Variants in CFAP44 observed in about 807,000 individuals in gnomAD.
CFAP44 encodes the protein cilia and flagella associated protein 44.
Under a neutral mutation model 216.2 loss-of-function variants are expected in CFAP44, and 134 were observed. The ratio of observed to expected loss-of-function variants is 0.62; its 90% CI spans 0.54 to 0.72. The LOEUF (loss-of-function observed/expected upper bound fraction) is 0.72. Among genes scored for constraint, CFAP44 ranks in the 30% least tolerant of loss-of-function variants. The pLI is 0.00. For missense variants in CFAP44, 2,035 were observed against 2,182.1 expected, an observed-to-expected ratio of 0.93 and a Z score of 1.34; for synonymous variants, 700 against 727.6, an observed-to-expected ratio of 0.96 and a Z score of 0.61.
chr3:113,396,368 G>A (rs758413221), intron 14 of CFAP44, 150 bp downstream of exon 14: 56 of 813,528 alleles, frequency 6.9e-5, no homozygotes, highest in African/African-American at 5.0e-4. Context: ...CACAGACTAC[G>A]CTGAAAGAAT....
intron 15 of CFAP44, among the ~76,000 whole-genome samples, chr3:113,388,402 A>T (rs1426496841): frequency 6.6e-6 from 1 of 152,240 alleles, no homozygotes; most frequent in Admixed American, 6.5e-5. Flanking sequence ...CATACAATGG[A>T]TATACAAGAA....
chr3:113,419,149 C>A (rs1164397104), intron 5 of CFAP44, among the ~76,000 whole-genome samples: 1 of 152,154 alleles, frequency 6.6e-6, no homozygotes, highest in Non-Finnish European at 1.5e-5. Flanking sequence ...GTTTCTTGGT[C>A]CCCTGCAGAT....
chr3:113,432,071 G>T (rs957142940), intron 2 of CFAP44: 2 of 152,142 alleles, frequency 1.3e-5, no homozygotes, highest in African/African-American at 4.8e-5. Flanking sequence ...CCAAGATCAA[G>T]CATCTCTAAA....
intron 21 of CFAP44, chr3:113,361,462 T>C (rs1434800057): frequency 6.6e-6 from 1 of 151,682 alleles, no homozygotes; most frequent in Non-Finnish European, 1.5e-5. Flanking sequence ...TAAGAAATTA[T>C]ATAATTATAC....
intron 1 of CFAP44, among the ~76,000 whole-genome samples, chr3:113,439,851 C>T (rs1026333929): frequency 6.6e-6 from 1 of 152,098 alleles, no homozygotes; most frequent in Non-Finnish European, 1.5e-5. Flanking sequence ...CAGCAGTGTG[C>T]CAGAGGTGGT....
chr3:113,345,347 T>C (rs1188437345), intron 22 of CFAP44, among the ~76,000 whole-genome samples: 1 of 152,096 alleles, frequency 6.6e-6, no homozygotes, highest in East Asian at 1.9e-4. Context: ...CCTCACAAAA[T>C]GTTTTAAAAA....
intron 34 of CFAP44, chr3:113,293,989 T>C: frequency 2.2e-6 from 1 of 456,698 alleles, no homozygotes; most frequent in Non-Finnish European, 4.4e-6. Context: ...GATGCTCTTC[T>C]TCAGAGGACC....
At chr3:113,330,142 T>TA in intron 26 of CFAP44, 26 bp downstream of exon 26, 1 of 1,473,506 alleles carries the variant, frequency 6.8e-7, no homozygotes, top group Non-Finnish European at 8.9e-7. Flanking sequence ...CTTTCAGCTT[T>TA]AACTAGGAAC....
intron 15 of CFAP44, among the ~76,000 whole-genome samples, chr3:113,384,752 T>C (rs1309796924): frequency 6.6e-6 from 1 of 152,232 alleles, no homozygotes; most frequent in Non-Finnish European, 1.5e-5. Context: ...CCATCCACTT[T>C]GTTGTATTTT....
At chr3:113,369,343 C>G (rs751274581) in intron 18 of CFAP44, among the ~76,000 whole-genome samples, 2 of 152,164 alleles carry the variant, frequency 1.3e-5, no homozygotes, top group East Asian at 3.8e-4. Context: ...GTAAAACACT[C>G]CTCAGCAAAT....
intron 15 of CFAP44, among the ~76,000 whole-genome samples, chr3:113,387,490 TC>T (rs1398064011): frequency 1.3e-5 from 2 of 152,082 alleles, no homozygotes; most frequent in Non-Finnish European, 2.9e-5. Flanking sequence ...CTGGCAGGAT[TC>T]ATCACCTGCT....
intron 7 of CFAP44, among the ~76,000 whole-genome samples, chr3:113,408,298 T>C (rs1351018867): frequency 6.6e-6 from 1 of 152,102 alleles, no homozygotes; most frequent in Non-Finnish European, 1.5e-5. Context: ...GACGAGGGTA[T>C]GATATAATGA....
Position 113,304,067 on chromosome 3 carries a change from C to G in CFAP44, c.4926G>C (p.Leu1642Phe). 1.3e-6 allele frequency: 2 copies of G among 1,537,196 alleles called. No homozygotes were observed. Among genetic ancestry groups the G allele is most frequent in the Non-Finnish European group, 1.7e-6 (2 of 1,146,914 alleles). Residue 1642 changes from leucine (L) to phenylalanine (F), a missense_variant, in exon 32 of 35, where the codon TTG (leucine) becomes TTC (phenylalanine). Transcript: ENST00000393845. ...GTCTCAAGGCATGGTTAGAGAAGAC[C>G]AAAGTACCAGAAAGATCGCTAGGTA... ...GEIPSDLSGT[L>F]VFSNHALRRL...
chr3:113,300,027 T>C (rs191714912), intron 32 of CFAP44, among the ~76,000 whole-genome samples: 1 of 152,264 alleles, frequency 6.6e-6, no homozygotes, highest in Non-Finnish European at 1.5e-5. Flanking sequence ...TGAGACCCTG[T>C]CTCAAAGAGA....
At chr3:113,363,094 A>G in intron 21 of CFAP44, 51 bp downstream of exon 21, 1 of 1,490,342 alleles carries the variant, frequency 6.7e-7, no homozygotes, top group South Asian at 1.5e-5. Context: ...AGTCATCTCT[A>G]TCCAGAAATA....
intron 11 of CFAP44, 75 bp from the exon 12 acceptor site, chr3:113,400,719 C>T: frequency 7.5e-7 from 1 of 1,327,702 alleles, no homozygotes; most frequent in South Asian, 1.3e-5. Flanking sequence ...TAAAAAAATG[C>T]AAAGATAAAA....
chr3:113,441,506 C>G (rs1188095522), upstream of CFAP44: 8 of 985,418 alleles, frequency 8.1e-6, no homozygotes, highest in Non-Finnish European at 9.6e-6. Context: ...CGGAGGCCTC[C>G]GTTTACTCCG....
chr3:113,358,619 G>C, intron 22 of CFAP44, 126 bp downstream of exon 22: 1 of 1,226,832 alleles, frequency 8.2e-7, no homozygotes. Flanking sequence ...AGGATTCCTT[G>C]AGATTTCAAG....
At chr3:113,400,278 A>G (rs1934106356) in intron 12 of CFAP44, among the ~76,000 whole-genome samples, 1 of 152,176 alleles carries the variant, frequency 6.6e-6, no homozygotes, top group South Asian at 2.1e-4. Context: ...GACGGAAAGA[A>G]TAGAAAAAAC....
Sources: allele counts gnomAD v4.1 joint callset (sites outside exome capture counted in the v4.1 genomes callset), GRCh38; gene constraint gnomAD v4.1.1; transcripts MANE v1.5; gene names NCBI Gene and HGNC (gene_info 2026-07-23, HGNC 2026-07-21).